SLC22A4: variants seen among roughly 807,000 people sequenced by gnomAD.
SLC22A4 encodes solute carrier family 22 member 4, also known as ET transporter.
A neutral mutation model predicts 56.6 loss-of-function variants in SLC22A4; 39 were observed. The observed-to-expected ratio is 0.69, with a 90% CI of 0.53 to 0.90. The LOEUF is 0.90. Among genes scored for constraint, SLC22A4 ranks in the 40% least tolerant of loss-of-function variants. The pLI, the probability that SLC22A4 is intolerant of heterozygous loss-of-function variation, is 0.00. For missense variants in SLC22A4, 594 were observed against 696.5 expected, an observed-to-expected ratio of 0.85 and a Z score of 1.66; for synonymous variants, 241 against 281.4, an observed-to-expected ratio of 0.86 and a Z score of 1.44.
At position 132,335,864 on chromosome 5, in the gene SLC22A4, G is replaced by T; in HGVS notation, c.1308G>T (p.Gly436=). ...GTCTGGTCATGCTGGGAAAATTTGG[G>T]ATCACCTCTGCTTTCTCCATGCTGT... ...SIGLVMLGKF[G]ITSAFSMLYV... The change falls in exon 8 of 10, where the codon GGG becomes GGT. Residue 436 remains glycine (G), a synonymous_variant. Transcript: ENST00000200652. The T allele has an allele frequency of 1.2e-6, 2 of 1,614,078 alleles. No homozygotes were observed. Among genetic ancestry groups the T allele is most frequent in the Non-Finnish European group, 1.7e-6 (2 of 1,180,002 alleles).
chr5:132,309,416 TGC>T (rs1278904429), intron 1 of SLC22A4, among the ~76,000 whole-genome samples: 1 of 152,250 alleles, frequency 6.6e-6, no homozygotes, highest in African/African-American at 2.4e-5. Context: ...AAACGGCCAC[TGC>T]GTGTGCATGG....
intron 7 of SLC22A4, among the ~76,000 whole-genome samples, chr5:132,335,332 A>C (rs1374502292): frequency 6.6e-6 from 1 of 152,218 alleles, no homozygotes; most frequent in Non-Finnish European, 1.5e-5. Context: ...TTCTGGTCTG[A>C]ATCTTTAAGT....
chr5:132,312,296 G>A (rs1265647611), intron 2 of SLC22A4, 32 bp downstream of exon 2: 1 of 1,320,376 alleles, frequency 7.6e-7, no homozygotes, highest in Non-Finnish European at 1.1e-6. Flanking sequence ...AAGGTGGGAT[G>A]GTGCCCCTTG....
At chr5:132,313,554 C>T in intron 2 of SLC22A4, 60 bp from the exon 3 acceptor site, 3 of 1,509,914 alleles carry the variant, frequency 2.0e-6, no homozygotes, top group Non-Finnish European at 2.8e-6. Context: ...TGACTCAGGG[C>T]TTGCAACACA....
At chr5:132,324,493 A>G (rs1474344252) in intron 4 of SLC22A4, 1 of 470,888 alleles carries the variant, frequency 2.1e-6, no homozygotes, top group African/African-American at 2.0e-5. Flanking sequence ...GGCTGTGGGC[A>G]TACTGTACCA....
chr5:132,318,178 G>C (rs1750418805), intron 3 of SLC22A4, among the ~76,000 whole-genome samples: 1 of 152,196 alleles, frequency 6.6e-6, no homozygotes, highest in African/African-American at 2.4e-5. Flanking sequence ...CCCTGAAGAG[G>C]AGTTCTGTCT....
At chr5:132,298,341 T>C (rs1443078016) in intron 1 of SLC22A4, among the ~76,000 whole-genome samples, 1 of 152,242 alleles carries the variant, frequency 6.6e-6, no homozygotes, top group Non-Finnish European at 1.5e-5. Flanking sequence ...GGATAAACCT[T>C]GAGGAGACTA....
chr5:132,309,553 C>A (rs907456717), intron 1 of SLC22A4, among the ~76,000 whole-genome samples: 1 of 152,208 alleles, frequency 6.6e-6, no homozygotes, highest in African/African-American at 2.4e-5. Context: ...CCTCACCTCA[C>A]CCCCCTTCCC....
intron 1 of SLC22A4, among the ~76,000 whole-genome samples, chr5:132,300,967 G>A (rs1467775507): frequency 6.6e-6 from 1 of 152,250 alleles, no homozygotes; most frequent in East Asian, 1.9e-4. Context: ...CATGGGCATG[G>A]CCCTTCATAT....
intron 1 of SLC22A4, among the ~76,000 whole-genome samples, chr5:132,298,940 G>A (rs1437826715): frequency 6.6e-6 from 1 of 152,206 alleles, no homozygotes; most frequent in African/African-American, 2.4e-5. Context: ...GCAGTTCCAA[G>A]CCTCAGAGAA....
chr5:132,313,162 G>T (rs1750233425), intron 2 of SLC22A4, among the ~76,000 whole-genome samples: 1 of 152,192 alleles, frequency 6.6e-6, no homozygotes. Flanking sequence ...GCTGGCATCA[G>T]TATTTTTTCC....
chr5:132,305,622 C>T (rs1453815669), intron 1 of SLC22A4, among the ~76,000 whole-genome samples: 1 of 152,122 alleles, frequency 6.6e-6, no homozygotes, highest in Non-Finnish European at 1.5e-5. Flanking sequence ...CCATAAAGGA[C>T]AGAAGGCAGT....
intron 1 of SLC22A4, among the ~76,000 whole-genome samples, chr5:132,303,550 G>T (rs1749954739): frequency 6.6e-6 from 1 of 151,816 alleles, no homozygotes; most frequent in African/African-American, 2.4e-5. Context: ...CACCAAGAGG[G>T]ACAACCAATG....
intron 8 of SLC22A4, among the ~76,000 whole-genome samples, chr5:132,339,353 C>T (rs272874): frequency 0.63 from 95,535 of 151,876 alleles, 30,875 homozygotes; most frequent in African/African-American, 0.74. Context: ...GGTGTTTCAG[C>T]GGCATGTTCA....
In SLC22A4 at chr5:132,296,008, T is replaced by TG. The variant is rs552144837; in HGVS notation, c.393+1003dup. ...TGTGGAGCCTACCCTCAGATGCCCA[T>TG]GGGGCACACTGGCTGTGTTACTGAG... is the stretch of plus-strand genomic sequence containing the variant. On this transcript the variant is annotated intron_variant, in intron 1 of 9. Coordinates refer to ENST00000200652, the MANE Select transcript of SLC22A4 (RefSeq NM_003059.3). Among the ~76,000 whole-genome samples the TG allele has an allele frequency of 7.9e-4, 120 of 152,298 alleles. 1 individual carries two copies. The East Asian group carries it at 0.022, about 27-fold the overall frequency.
chr5:132,313,730 T>C lies in SLC22A4; in HGVS notation c.614T>C (p.Met205Thr), dbSNP rs746234716. The change falls in exon 3 of 10, where the codon ATG becomes ACG. Residue 205 changes from methionine to threonine, a missense_variant. Transcript: ENST00000200652. ...ACTGTGTTATTTGTCATCGTGGGCATGGGCCAGATCTCCAACTATGTGGTA... is the reference window on the plus strand; with the variant it reads ...ACTGTGTTATTTGTCATCGTGGGCACGGGCCAGATCTCCAACTATGTGGTA... ...MFTVLFVIVG[M>T]GQISNYVVAF... 1.9e-6 allele frequency: 3 copies of C among 1,614,240 alleles called. No individual in the cohort carries two copies. The highest frequency in any genetic ancestry group is 2.5e-6 in the Non-Finnish European group (3 of 1,180,038).
chr5:132,320,949 C>G (rs1750517189), intron 3 of SLC22A4: 1 of 152,180 alleles, frequency 6.6e-6, no homozygotes, highest in African/African-American at 2.4e-5. Context: ...GTGTAGTGAA[C>G]CAAGGGCAGA....
chr5:132,303,876 T>C (rs1749960420), intron 1 of SLC22A4, among the ~76,000 whole-genome samples: 1 of 152,204 alleles, frequency 6.6e-6, no homozygotes. Flanking sequence ...TCAGATATTT[T>C]GCCCAGCGGG....
At chr5:132,312,292 G>T in intron 2 of SLC22A4, 28 bp downstream of exon 2, 1 of 1,356,920 alleles carries the variant, frequency 7.4e-7, no homozygotes, top group South Asian at 1.2e-5. Flanking sequence ...GAGGAAGGTG[G>T]GATGGTGCCC....
Sources: allele counts gnomAD v4.1 joint callset (sites outside exome capture counted in the v4.1 genomes callset), GRCh38; gene constraint gnomAD v4.1.1; transcripts MANE v1.5; gene names NCBI Gene and HGNC (gene_info 2026-07-23, HGNC 2026-07-21).